The following ADAMTS18 variants were observed in gnomAD, a reference collection of about 807,000 sequenced individuals.
ADAMTS18 encodes the protein ADAM metallopeptidase with thrombospondin type 1 motif 18.
Under a neutral mutation model 165.9 loss-of-function variants are expected in ADAMTS18, and 157 were observed. The ratio of observed to expected loss-of-function variants is 0.95; its 90% CI spans 0.83 to 1.08. The LOEUF is 1.08. Ranked by LOEUF, ADAMTS18 falls within the 50% of genes least tolerant of loss-of-function variation. The pLI, the probability that ADAMTS18 is intolerant of heterozygous loss-of-function variation, is 0.00. For missense variants in ADAMTS18, 2,040 were observed against 1,534.0 expected (o/e 1.33, Z -5.51); for synonymous variants, 782 against 578.2 (o/e 1.35, Z -5.06).
chr16:77,434,834 A>G lies in ADAMTS18; in HGVS notation c.-139T>C. ...TGAGAGCCGCCGCCGTTCACATCGC[A>G]GCGGGGGCGCGCTGGGACCTCCCCT... On this transcript the variant is annotated 5_prime_UTR_variant, in exon 1 of 23. Coordinates refer to ENST00000282849, the MANE Select transcript of ADAMTS18 (RefSeq NM_199355.4). The G allele has an allele frequency of 1.5e-6, 1 of 664,452 alleles. No individual in the cohort carries two copies. Among genetic ancestry groups the G allele is most frequent in the Non-Finnish European group, 2.2e-6 (1 of 465,018 alleles). 41.2% of individuals were successfully genotyped at this position (664,452 alleles called of 1,614,324 possible). A position where few individuals can be genotyped will look rare whatever the true frequency, so the allele number is the denominator to read the frequency against.
chr16:77,404,742 G>A (rs1019947039), intron 3 of ADAMTS18, among the ~76,000 whole-genome samples: 2 of 152,042 alleles, frequency 1.3e-5, no homozygotes, highest in African/African-American at 4.8e-5. Context: ...TTGCGTCTAA[G>A]GTGACTGATT....
At chr16:77,344,033 T>A (rs1175936491) in intron 10 of ADAMTS18, among the ~76,000 whole-genome samples, 2 of 151,028 alleles carry the variant, frequency 1.3e-5, no homozygotes, top group Non-Finnish European at 2.9e-5. Flanking sequence ...GGCAAGAATA[T>A]GCTTAGAAAT....
chr16:77,292,324 TGA>T (rs981601093), intron 20 of ADAMTS18, among the ~76,000 whole-genome samples: 21 of 152,294 alleles, frequency 1.4e-4, no homozygotes, highest in African/African-American at 5.1e-4. Flanking sequence ...CCAGTATTTG[TGA>T]GAGATATTTC....
chr16:77,355,860 G>A (rs1434250638), intron 9 of ADAMTS18, 80 bp downstream of exon 9: 5 of 1,529,502 alleles, frequency 3.3e-6, no homozygotes, highest in Non-Finnish European at 3.6e-6. Context: ...TTTCCACTGA[G>A]TATTCGTTTG....
intron 16 of ADAMTS18, among the ~76,000 whole-genome samples, chr16:77,313,495 A>G (rs983452266): frequency 6.6e-6 from 1 of 152,038 alleles, no homozygotes; most frequent in Non-Finnish European, 1.5e-5. Flanking sequence ...TTAAAAAAAA[A>G]AAAACTTAAA....
At chr16:77,413,466 G>C (rs959669888) in intron 3 of ADAMTS18, among the ~76,000 whole-genome samples, 1 of 152,134 alleles carries the variant, frequency 6.6e-6, no homozygotes, top group Admixed American at 6.6e-5. Context: ...AAATCCATTT[G>C]AGTAGAAATA....
chr16:77,351,972 G>A (rs1344498599), intron 10 of ADAMTS18, among the ~76,000 whole-genome samples: 4 of 152,086 alleles, frequency 2.6e-5, no homozygotes, highest in African/African-American at 9.7e-5. Context: ...GGCCTCAAGT[G>A]ATCCTCCCAC....
chr16:77,395,017 G>A (rs530893416), intron 3 of ADAMTS18, among the ~76,000 whole-genome samples: 1 of 152,190 alleles, frequency 6.6e-6, no homozygotes, highest in Non-Finnish European at 1.5e-5. Flanking sequence ...GCATTTGCCT[G>A]TGGCTAGTGG....
intron 16 of ADAMTS18, among the ~76,000 whole-genome samples, chr16:77,307,681 T>C (rs2055706083): frequency 1.3e-5 from 2 of 152,220 alleles, no homozygotes; most frequent in Non-Finnish European, 2.9e-5. Context: ...GACTATTCTA[T>C]CATCTGTTCT....
In ADAMTS18 at chr16:77,335,903, C is replaced by A. The variant is rs758896925; in HGVS notation, c.1712G>T (p.Trp571Leu). 3.1e-6 allele frequency: 5 copies of A among 1,614,192 alleles called. No individual in the cohort carries two copies. The highest frequency in any genetic ancestry group is 4.2e-6 in the Non-Finnish European group (5 of 1,180,034). ...AEGTVCGLSM[W>L]CRQGQCVKFG... ...CTTTACGCACTGGCCTTGCCGACACCACTGTGAAAAGAACGTGTAAGATGG... is the reference window on the plus strand; with the variant it reads ...CTTTACGCACTGGCCTTGCCGACACAACTGTGAAAAGAACGTGTAAGATGG... The change falls in exon 12 of 23, where the codon TGG (tryptophan) becomes TTG (leucine). Residue 571 changes from tryptophan (W) to leucine (L), a missense_variant and splice_region_variant. Transcript: ENST00000282849.
intron 16 of ADAMTS18, among the ~76,000 whole-genome samples, chr16:77,317,362 C>G (rs2055906179): frequency 6.6e-6 from 1 of 152,192 alleles, no homozygotes; most frequent in Non-Finnish European, 1.5e-5. Context: ...TGGAGTCTCA[C>G]TCACTCTTTT....
chr16:77,342,093 T>C (rs1290315115), intron 10 of ADAMTS18, among the ~76,000 whole-genome samples: 1 of 152,150 alleles, frequency 6.6e-6, no homozygotes, highest in Non-Finnish European at 1.5e-5. Flanking sequence ...TTTCTCATGA[T>C]AGTGATGATG....
In ADAMTS18 at chr16:77,434,704, G is replaced by A. The variant is rs911200792; in HGVS notation, c.-9C>T. 3 of 1,438,890 alleles carry A rather than the reference G, an allele frequency of 2.1e-6. No homozygotes were observed. Among genetic ancestry groups the A allele is most frequent in the Non-Finnish European group, 1.8e-6 (2 of 1,098,438 alleles). The allele number at this position is 1,438,890 out of a possible 1,614,324, so 89.1% of individuals were successfully genotyped here. A position where few individuals can be genotyped will look rare whatever the true frequency, so the allele number is the denominator to read the frequency against. On this transcript the variant is annotated 5_prime_UTR_variant, in exon 1 of 23. Transcript: ENST00000282849. ...AGGAGGGCGCACTCCATGGTCAGGT[G>A]CGGACGCGGCGGCTGCGGGTGGCCA...
rs567917621 is a variant in ADAMTS18 at position 77,330,172 on chromosome 16, A to G, written c.1860-4134T>C. Among the ~76,000 whole-genome samples, 12 of 152,250 alleles carry G rather than the reference A, an allele frequency of 7.9e-5. No individual in the cohort carries two copies. The East Asian group carries it at 2.3e-3, about 29-fold the overall frequency. ...GAAAATACACCACCAATTAGATTCA[A>G]TTATTCTTCTGGGGCCATGATTTTC... On this transcript the variant is annotated intron_variant, in intron 12 of 22. Coordinates refer to ENST00000282849, the MANE Select transcript of ADAMTS18 (RefSeq NM_199355.4).
chr16:77,301,749 T>A (rs1028949428), intron 16 of ADAMTS18, among the ~76,000 whole-genome samples: 1 of 147,626 alleles, frequency 6.8e-6, no homozygotes, highest in Non-Finnish European at 1.5e-5. Context: ...TCTCCAGGAG[T>A]ATTATGACTA....
At chr16:77,432,196 A>T (rs1233002582) in intron 2 of ADAMTS18, among the ~76,000 whole-genome samples, 3 of 152,204 alleles carry the variant, frequency 2.0e-5, no homozygotes, top group Non-Finnish European at 4.4e-5. Flanking sequence ...TTTATGTGTG[A>T]TAAGAAAACT....
intron 16 of ADAMTS18, among the ~76,000 whole-genome samples, chr16:77,313,123 G>T (rs1468478955): frequency 6.8e-6 from 1 of 147,542 alleles, no homozygotes; most frequent in South Asian, 2.2e-4. Context: ...CATAAAAAAT[G>T]TTGAGTTCAT....
rs774856133 is a variant in ADAMTS18 at position 77,322,392 on chromosome 16, CTT to C, written c.2105_2106del (p.Lys702ArgfsTer11). On this transcript the variant is annotated frameshift_variant, in exon 14 of 23. Coordinates refer to ENST00000282849, the MANE Select transcript of ADAMTS18 (RefSeq NM_199355.4). LOFTEE classifies it high-confidence loss of function. ...EFFFAMSGKV[K>X]DGTPCSPNKN... Reference sequence around the variant, plus strand: ...TTGTTTGGGGAGCAGGGAGTTCCATCTTTCACTTTGCCGGACATTGCAAAAAA... The same window carrying C: ...TTGTTTGGGGAGCAGGGAGTTCCATCTCACTTTGCCGGACATTGCAAAAAA... 1 of 1,614,036 alleles carries C rather than the reference CTT, an allele frequency of 6.2e-7. No individual in the cohort carries two copies. The highest frequency in any genetic ancestry group is 2.2e-5 in the East Asian group (1 of 44,862).
At chr16:77,327,684 A>G (rs2056119579) in intron 12 of ADAMTS18, among the ~76,000 whole-genome samples, 1 of 152,178 alleles carries the variant, frequency 6.6e-6, no homozygotes, top group Admixed American at 6.6e-5. Flanking sequence ...AAATCTGTAA[A>G]CACACCTAAA....
Sources: gnomAD v4.1 joint callset for allele counts (sites outside exome capture counted in the v4.1 genomes callset) on GRCh38, gnomAD v4.1.1 for gene constraint, MANE v1.5 for transcripts, NCBI Gene and HGNC (gene_info 2026-07-23, HGNC 2026-07-21) for gene names.